The following VPS45 variants were observed in gnomAD, a reference collection of about 807,000 sequenced individuals.
The protein encoded by VPS45 is vacuolar protein sorting-associated protein 45.
Under a neutral mutation model 75.9 loss-of-function variants are expected in VPS45, and 35 were observed. The observed-to-expected ratio is 0.46, with a 90% CI of 0.35 to 0.61. The LOEUF (loss-of-function observed/expected upper bound fraction) is 0.61. VPS45 is among the 20% of genes least tolerant of loss of function. The pLI is 0.00. For synonymous variants in VPS45, 220 were observed against 238.2 expected, an observed-to-expected ratio of 0.92 and a Z score of 0.70; for missense variants, 559 against 685.9, an observed-to-expected ratio of 0.81 and a Z score of 2.07.
rs782556372 is a variant in VPS45 at position 150,067,901 on chromosome 1, T to G, written c.44T>G (p.Ile15Arg). The G allele has an allele frequency of 1.2e-6, 2 of 1,614,106 alleles. No homozygotes were observed. The highest frequency in any genetic ancestry group is 1.7e-6 in the Non-Finnish European group (2 of 1,180,036). The change falls in exon 1 of 15, where the codon ATA (isoleucine) becomes AGA (arginine). Residue 15 changes from isoleucine (I) to arginine (R), a missense_variant. Coordinates refer to ENST00000644510, the MANE Select transcript of VPS45 (RefSeq NM_007259.5). ...FAVKQYISKM[I>R]EDSGPGMKVL... ...GTGAAGCAGTACATTTCCAAAATGA[T>G]AGAGGACAGCGGGCCTGGTATGAAA...
chr1:150,076,559 T>A, intron 4 of VPS45: 1 of 480,458 alleles, frequency 2.1e-6, no homozygotes, highest in South Asian at 3.0e-5. Context: ...ATATTCTCTC[T>A]CATGACAACA....
intron 13 of VPS45, among the ~76,000 whole-genome samples, chr1:150,105,358 T>C (rs913926750): frequency 6.6e-6 from 1 of 152,234 alleles, no homozygotes; most frequent in African/African-American, 2.4e-5. Flanking sequence ...TAGGATTATA[T>C]ACTTAGAAAA....
intron 14 of VPS45, among the ~76,000 whole-genome samples, chr1:150,112,526 A>G (rs1553807359): frequency 6.6e-6 from 1 of 152,166 alleles, no homozygotes; most frequent in Non-Finnish European, 1.5e-5. Context: ...ACAGTGAGAA[A>G]TATTACAGTG....
chr1:150,118,545 A>G (rs1658066071), intron 14 of VPS45, among the ~76,000 whole-genome samples: 2 of 151,764 alleles, frequency 1.3e-5, no homozygotes, highest in South Asian at 2.1e-4. Flanking sequence ...AGCTGGCACT[A>G]CAGGCGTGCA....
intron 10 of VPS45, among the ~76,000 whole-genome samples, chr1:150,087,830 A>C (rs1376221813): frequency 6.6e-6 from 1 of 152,216 alleles, no homozygotes. Context: ...AATTACTCGC[A>C]GTAAGCCTGG....
chr1:150,125,224 A>T (rs913681733), intron 14 of VPS45, among the ~76,000 whole-genome samples: 1 of 151,266 alleles, frequency 6.6e-6, no homozygotes, highest in Non-Finnish European at 1.5e-5. Context: ...TATACTGATC[A>T]AATCAGGATA....
At chr1:150,093,439 T>G in intron 12 of VPS45, 88 bp from the exon 13 acceptor site, 1 of 1,445,492 alleles carries the variant, frequency 6.9e-7, no homozygotes, top group Non-Finnish European at 9.4e-7. Flanking sequence ...CTCTATTGAG[T>G]GTATGTCCTT....
chr1:150,103,059 A>ATT (rs781803181), intron 13 of VPS45, among the ~76,000 whole-genome samples: 52 of 151,508 alleles, frequency 3.4e-4, no homozygotes, highest in Admixed American at 7.9e-4. Context: ...TATCCTATAT[A>ATT]TTTTTTTTTA....
At chr1:150,136,772 A>T (rs955739537) in intron 14 of VPS45, among the ~76,000 whole-genome samples, 5 of 29,720 alleles carry the variant, frequency 1.7e-4, no homozygotes, top group Admixed American at 5.2e-4. Context: ...AGCAAGATTT[A>T]AAAAAAAAAA....
At chr1:150,090,176 C>T (rs781954261) in intron 10 of VPS45, among the ~76,000 whole-genome samples, 4 of 152,224 alleles carry the variant, frequency 2.6e-5, no homozygotes, top group Non-Finnish European at 5.9e-5. Context: ...GCCAGCCTTT[C>T]AAACCAAGCC....
chr1:150,075,528 G>A (rs148893031), intron 3 of VPS45, among the ~76,000 whole-genome samples: 1 of 152,238 alleles, frequency 6.6e-6, no homozygotes, highest in Non-Finnish European at 1.5e-5. Flanking sequence ...GATGCTCAAT[G>A]CCTGGGTCCA....
At chr1:150,127,756 A>G (rs1277492031) in intron 14 of VPS45, among the ~76,000 whole-genome samples, 1 of 152,214 alleles carries the variant, frequency 6.6e-6, no homozygotes, top group Non-Finnish European at 1.5e-5. Flanking sequence ...TTGAAATAAT[A>G]TTTTGGAATA....
intron 14 of VPS45, among the ~76,000 whole-genome samples, chr1:150,139,333 T>C (rs1659263925): frequency 6.6e-6 from 1 of 152,200 alleles, no homozygotes; most frequent in Non-Finnish European, 1.5e-5. Context: ...CTAGCCACAC[T>C]AACCTTCTTT....
chr1:150,121,399 A>C (rs1658223188), intron 14 of VPS45, among the ~76,000 whole-genome samples: 1 of 152,192 alleles, frequency 6.6e-6, no homozygotes, highest in Non-Finnish European at 1.5e-5. Flanking sequence ...TGACCTGAAC[A>C]CATGCTGTCC....
intron 3 of VPS45, among the ~76,000 whole-genome samples, chr1:150,075,821 C>T (rs1330227270): frequency 6.6e-6 from 1 of 152,120 alleles, no homozygotes; most frequent in Non-Finnish European, 1.5e-5. Context: ...CTGATCTGGG[C>T]TCACTGCAAG....
Position 150,110,635 on chromosome 1 carries a change from A to G in VPS45, c.1625+8A>G. 6.2e-7 allele frequency: 1 copy of G among 1,601,462 alleles called. No individual in the cohort carries two copies. Among genetic ancestry groups the G allele is most frequent in the Non-Finnish European group, 8.5e-7 (1 of 1,173,334 alleles). On this transcript the variant is annotated splice_region_variant and intron_variant, in intron 14 of 14. Transcript: ENST00000644510. ...AGTGCACAACACGAAAAGGTAAAAGAGAACATTCATTCTACAACTGTGTCC... is the reference window on the plus strand; with the variant it reads ...AGTGCACAACACGAAAAGGTAAAAGGGAACATTCATTCTACAACTGTGTCC...
At chr1:150,071,512 C>T (rs1262696503) in intron 2 of VPS45, among the ~76,000 whole-genome samples, 2 of 152,116 alleles carry the variant, frequency 1.3e-5, no homozygotes, top group African/African-American at 4.8e-5. Context: ...TCAGGCCAGG[C>T]GCAGTGGCTC....
intron 12 of VPS45, chr1:150,092,617 G>C: frequency 2.9e-6 from 1 of 338,990 alleles, no homozygotes; most frequent in Non-Finnish European, 5.3e-6. Context: ...GGACCAAATA[G>C]CTTAGCAGGA....
At chr1:150,131,069 G>C (rs1553812252) in intron 14 of VPS45, among the ~76,000 whole-genome samples, 2 of 152,150 alleles carry the variant, frequency 1.3e-5, no homozygotes, top group Admixed American at 1.3e-4. Context: ...GCATCAGAGG[G>C]TGTAAGCGTT....
Sources: allele counts gnomAD v4.1 joint callset (sites outside exome capture counted in the v4.1 genomes callset), GRCh38; gene constraint gnomAD v4.1.1; transcripts MANE v1.5; gene names NCBI Gene and HGNC (gene_info 2026-07-23, HGNC 2026-07-21).